GANC: variants seen among roughly 807,000 people sequenced by gnomAD.
GANC encodes the protein glucosidase alpha, neutral C.
Under a neutral mutation model 124.2 loss-of-function variants are expected in GANC, and 117 were observed. That is an observed-to-expected ratio of 0.94 (90% CI 0.81 to 1.10). GANC has a LOEUF of 1.10. GANC is among the 50% of genes least tolerant of loss of function. The probability of loss-of-function intolerance (pLI) is 0.00; values close to 1 mark genes in which losing one functional copy is unlikely to be tolerated. For missense variants in GANC, 1,140 were observed against 1,095.0 expected (o/e 1.04, Z -0.58); for synonymous variants, 377 against 376.8 (o/e 1.00, Z -0.01).
intron 3 of GANC, 123 bp from the exon 4 acceptor site, chr15:42,287,568 T>C: frequency 1.0e-6 from 1 of 971,220 alleles, no homozygotes; most frequent in Non-Finnish European, 1.5e-6. Context: ...TAATTGCCAT[T>C]GTTCTCCAAT....
At chr15:42,344,273 T>A (rs1428336692) in intron 19 of GANC, among the ~76,000 whole-genome samples, 1 of 152,214 alleles carries the variant, frequency 6.6e-6, no homozygotes. Context: ...TGGTTTCTTC[T>A]GGAGGCCCTG....
chr15:42,315,730 A>T (rs1041812235), intron 10 of GANC, among the ~76,000 whole-genome samples: 2 of 152,218 alleles, frequency 1.3e-5, no homozygotes, highest in Non-Finnish European at 2.9e-5. Context: ...CATTTAAGTC[A>T]GTAGACTTTG....
intron 21 of GANC, among the ~76,000 whole-genome samples, 184 bp from the exon 22 acceptor site, chr15:42,349,199 C>T (rs1429460394): frequency 6.6e-6 from 1 of 152,136 alleles, no homozygotes; most frequent in Non-Finnish European, 1.5e-5. Context: ...TGTGACTTTC[C>T]TATTGTTTTA....
chr15:42,340,619 TAAAAATATAAGTGATTG>T, intron 17 of GANC, 54 bp from the exon 18 acceptor site: 1 of 1,015,740 alleles, frequency 9.8e-7, no homozygotes, highest in East Asian at 2.9e-5. Flanking sequence ...AAAAAAAAAC[TAAAAATATAAGTGATTG>T]ATTGCAATAA....
chr15:42,297,620 A>G lies in GANC; in HGVS notation c.522A>G (p.Lys174=), dbSNP rs1244935972. 4 of 1,612,642 alleles carry G rather than the reference A, an allele frequency of 2.5e-6. No homozygotes were observed. Among genetic ancestry groups the G allele is most frequent in the Non-Finnish European group, 3.4e-6 (4 of 1,178,912 alleles). Residue 174 remains lysine, a synonymous_variant, in exon 6 of 24, where the codon AAA becomes AAG. Transcript: ENST00000318010. ...ATTTACGTTAAAACAGAGCTGCTAA[A>G]GAAAATGAGGAGGAGACATCAGTGG... ...LQILHKQRAA[K]ENEEETSVDT...
At chr15:42,309,729 G>A (rs2141044389) in intron 8 of GANC, among the ~76,000 whole-genome samples, 1 of 151,216 alleles carries the variant, frequency 6.6e-6, no homozygotes, top group South Asian at 2.1e-4. Flanking sequence ...CCACTCAAAG[G>A]ATATTTAGGC....
intron 11 of GANC, among the ~76,000 whole-genome samples, chr15:42,322,386 G>A (rs1436930240): frequency 6.6e-6 from 1 of 152,176 alleles, no homozygotes; most frequent in Non-Finnish European, 1.5e-5. Context: ...CTCATATAAT[G>A]AGGCTTTCTG....
Position 42,310,737 on chromosome 15 carries a change from C to G in GANC, c.948C>G (p.Val316=), listed in dbSNP as rs754914062. ...GCCCAGTTGCTGCTAAACAAAAGGTCAGATCTCGCACTCATGTGCACTGGA... is the reference window on the plus strand; with the variant it reads ...GCCCAGTTGCTGCTAAACAAAAGGTGAGATCTCGCACTCATGTGCACTGGA... The part of the protein sequence containing the change: ...QMGPVAAKQK[V]RSRTHVHWMS... The change falls in exon 10 of 24, where the codon GTC becomes GTG. Residue 316 remains valine, a synonymous_variant. Transcript: ENST00000318010. 3.7e-6 allele frequency: 6 copies of G among 1,613,846 alleles called. No homozygotes were observed. In the South Asian group the frequency reaches 6.6e-5, roughly 18 times the overall value.
At chr15:42,303,353 A>T (rs950642645) in intron 6 of GANC, among the ~76,000 whole-genome samples, 1 of 152,370 alleles carries the variant, frequency 6.6e-6, no homozygotes, top group Non-Finnish European at 1.5e-5. Context: ...GTCCTGAAGG[A>T]AGCACTAAAT....
chr15:42,308,152 C>T, intron 7 of GANC, 70 bp from the exon 8 acceptor site: 2 of 969,522 alleles, frequency 2.1e-6, no homozygotes, highest in South Asian at 1.6e-5. Context: ...TCTCTGCACT[C>T]AGAATTAACT....
chr15:42,338,011 G>A (rs533486182), intron 15 of GANC, among the ~76,000 whole-genome samples: 65 of 152,124 alleles, frequency 4.3e-4, no homozygotes, highest in African/African-American at 1.2e-3. Context: ...GCAGTGAGCC[G>A]AGATCACGGC....
chr15:42,297,179 A>G (rs1176583343), intron 5 of GANC, among the ~76,000 whole-genome samples: 3 of 152,126 alleles, frequency 2.0e-5, no homozygotes, highest in Non-Finnish European at 2.9e-5. Flanking sequence ...GATTTTGTTG[A>G]AATATTATGA....
At position 42,338,396 on chromosome 15, in the gene GANC, G is replaced by A; in HGVS notation, c.1749G>A (p.Val583=). The change falls in exon 16 of 24, where the codon GTG becomes GTA. Residue 583 remains valine, a synonymous_variant. Coordinates refer to ENST00000318010, the MANE Select transcript of GANC (RefSeq NM_198141.3). The stretch of plus-strand genomic sequence containing the variant: ...TGTTGCTGGTGACCAAAGGTGCCGT[G>A]TGGACAGGCGACAACACAGCAGAAT... ...FFAGSQKYGA[V]WTGDNTAEWS... 6.2e-7 allele frequency: 1 copy of A among 1,613,412 alleles called. No individual in the cohort carries two copies. Among genetic ancestry groups the A allele is most frequent in the Non-Finnish European group, 8.5e-7 (1 of 1,179,528 alleles).
intron 19 of GANC, chr15:42,344,859 G>A (rs370427315): frequency 2.6e-5 from 4 of 152,156 alleles, no homozygotes; most frequent in African/African-American, 7.2e-5. Flanking sequence ...CTCCCTTTCC[G>A]ACTTAGTCAC....
At chr15:42,306,883 C>T (rs2052002041) in intron 7 of GANC, among the ~76,000 whole-genome samples, 1 of 152,176 alleles carries the variant, frequency 6.6e-6, no homozygotes, top group African/African-American at 2.4e-5. Context: ...TTGCACTGTT[C>T]ATCAGATAAG....
chr15:42,339,675 T>C lies in GANC; in HGVS notation c.1850T>C (p.Ile617Thr). The change falls in exon 17 of 24, where the codon ATA (isoleucine) becomes ACA (threonine). Residue 617 changes from isoleucine to threonine, a missense_variant. Coordinates refer to ENST00000318010, the MANE Select transcript of GANC (RefSeq NM_198141.3). The stretch of plus-strand genomic sequence containing the variant: ...GGCCTTCTTTTGCTTCCAGCTGACA[T>C]AGGCGGGTTCATTGGGAATCCAGAG... ...ITGISFCGAD[I>T]GGFIGNPETE... 1 of 1,612,004 alleles carries C rather than the reference T, an allele frequency of 6.2e-7. No individual in the cohort carries two copies. The highest frequency in any genetic ancestry group is 8.5e-7 in the Non-Finnish European group (1 of 1,178,262).
chr15:42,275,126 C>A (rs1158094406), intron 1 of GANC, among the ~76,000 whole-genome samples: 1 of 152,138 alleles, frequency 6.6e-6, no homozygotes, highest in Admixed American at 6.5e-5. Flanking sequence ...GTAATCCCAG[C>A]ACTTTGGGAG....
At chr15:42,295,293 G>T (rs187671642) in intron 5 of GANC, among the ~76,000 whole-genome samples, 2 of 151,988 alleles carry the variant, frequency 1.3e-5, no homozygotes, top group African/African-American at 4.8e-5. Context: ...CATAGGTATT[G>T]CCAAATTGCC....
chr15:42,284,012 G>C (rs2051761268), intron 3 of GANC: 1 of 702,372 alleles, frequency 1.4e-6, no homozygotes, highest in Non-Finnish European at 2.6e-6. Context: ...TGAACTATTA[G>C]ACCATCCTCT....
Sources: gnomAD v4.1 joint callset for allele counts (sites outside exome capture counted in the v4.1 genomes callset) on GRCh38, gnomAD v4.1.1 for gene constraint, MANE v1.5 for transcripts, NCBI Gene and HGNC (gene_info 2026-07-23, HGNC 2026-07-21) for gene names.